The following LRRC4C variants were observed in gnomAD, a reference collection of about 807,000 sequenced individuals.
LRRC4C encodes leucine rich repeat containing 4C.
A neutral mutation model predicts 33.6 loss-of-function variants in LRRC4C; 5 were observed. The observed-to-expected ratio is 0.15, with a 90% confidence interval of 0.08 to 0.31. LRRC4C has a LOEUF of 0.31. Ranked by LOEUF, LRRC4C falls within the 10% of genes least tolerant of loss-of-function variation. LRRC4C has a pLI of 1.00. For missense variants in LRRC4C, 560 were observed against 796.7 expected (o/e 0.70, Z 3.58); for synonymous variants, 329 against 302.0 (o/e 1.09, Z -0.93).
intron 2 of LRRC4C, among the ~76,000 whole-genome samples, chr11:40,875,670 G>A (rs548009160): frequency 7.9e-5 from 12 of 152,152 alleles, no homozygotes; most frequent in East Asian, 1.9e-4. Context: ...TAAAGTAATC[G>A]CACATATTTA....
intron 2 of LRRC4C, among the ~76,000 whole-genome samples, chr11:40,922,985 C>T (rs2136379174): frequency 6.6e-6 from 1 of 152,214 alleles, no homozygotes; most frequent in Non-Finnish European, 1.5e-5. Context: ...CCACCACACC[C>T]AGCTAATTTT....
chr11:41,359,447 G>C (rs2137653380), intron 1 of LRRC4C, among the ~76,000 whole-genome samples: 1 of 152,152 alleles, frequency 6.6e-6, no homozygotes, highest in Middle Eastern at 3.4e-3. Flanking sequence ...ATGAGGACAG[G>C]GGGTACATGG....
intron 2 of LRRC4C, among the ~76,000 whole-genome samples, chr11:40,796,159 C>T (rs1475316972): frequency 1.3e-5 from 2 of 152,132 alleles, no homozygotes; most frequent in Non-Finnish European, 2.9e-5. Context: ...GTAAATTTGT[C>T]TAATTCCTAT....
At chr11:40,561,805 A>G (rs1190036747) in intron 3 of LRRC4C, among the ~76,000 whole-genome samples, 1 of 152,174 alleles carries the variant, frequency 6.6e-6, no homozygotes, top group Non-Finnish European at 1.5e-5. Context: ...GAATTATTTA[A>G]CAAATTATTG....
intron 2 of LRRC4C, among the ~76,000 whole-genome samples, chr11:40,737,323 C>T (rs546923394): frequency 1.1e-4 from 16 of 152,192 alleles, no homozygotes; most frequent in African/African-American, 3.9e-4. Flanking sequence ...ACAAGGATGC[C>T]CTCTCTCACC....
intron 1 of LRRC4C, among the ~76,000 whole-genome samples, chr11:41,282,997 C>T (rs995835103): frequency 2.0e-5 from 3 of 152,146 alleles, no homozygotes; most frequent in African/African-American, 7.2e-5. Context: ...AGAAAGCACT[C>T]TATCAAATGT....
At chr11:41,217,208 T>C (rs1052948184) in intron 1 of LRRC4C, among the ~76,000 whole-genome samples, 1 of 152,180 alleles carries the variant, frequency 6.6e-6, no homozygotes, top group South Asian at 2.1e-4. Context: ...CATGTTCTGT[T>C]AGAAATTACT....
At chr11:40,334,387 GAGA>G (rs1219121847) in intron 3 of LRRC4C, among the ~76,000 whole-genome samples, 8 of 151,890 alleles carry the variant, frequency 5.3e-5, no homozygotes, top group African/African-American at 1.9e-4. Flanking sequence ...GCTAGAGTTT[GAGA>G]AGGTTGAGAA....
At chr11:40,201,696 T>C (rs1862764978) in intron 5 of LRRC4C, among the ~76,000 whole-genome samples, 1 of 152,182 alleles carries the variant, frequency 6.6e-6, no homozygotes, top group Non-Finnish European at 1.5e-5. Context: ...ATACCTGCTT[T>C]AAGGCTTTAT....
intron 1 of LRRC4C, among the ~76,000 whole-genome samples, chr11:41,330,557 C>T (rs1488737390): frequency 6.6e-6 from 1 of 152,028 alleles, no homozygotes; most frequent in Non-Finnish European, 1.5e-5. Context: ...TGAATGTCTG[C>T]TCAGATGCAG....
At chr11:41,262,136 C>T (rs781164691) in intron 1 of LRRC4C, among the ~76,000 whole-genome samples, 1 of 151,918 alleles carries the variant, frequency 6.6e-6, no homozygotes, top group African/African-American at 2.4e-5. Flanking sequence ...CACTATTTGA[C>T]CTTTTAACCT....
rs1432837055 is a variant in LRRC4C at position 40,304,974 on chromosome 11, C to T, written c.-176+14654G>A. On this transcript the variant is annotated intron_variant, in intron 4 of 6. Coordinates refer to ENST00000528697, the MANE Select transcript of LRRC4C (RefSeq NM_001258419.2). The stretch of plus-strand genomic sequence containing the variant: ...AGAGACAGGGTTTCACCGTGTTTAG[C>T]CAGGATGGTCTCAATCTCTTGACCT... Among the ~76,000 whole-genome samples the T allele has an allele frequency of 2.0e-5, 3 of 152,142 alleles. No homozygotes were observed. The East Asian group carries it at 5.8e-4, about 29-fold the overall frequency.
intron 1 of LRRC4C, among the ~76,000 whole-genome samples, chr11:41,372,680 A>T (rs1952793946): frequency 6.6e-6 from 1 of 151,954 alleles, no homozygotes; most frequent in African/African-American, 2.4e-5. Context: ...TATTGCTAAC[A>T]TCCATCCTTG....
At chr11:40,928,528 T>G (rs1239055360) in intron 2 of LRRC4C, among the ~76,000 whole-genome samples, 1 of 152,004 alleles carries the variant, frequency 6.6e-6, no homozygotes, top group East Asian at 1.9e-4. Context: ...TATTATCTCT[T>G]TCATTAAGTA....
chr11:40,508,353 A>C (rs893096526), intron 3 of LRRC4C, among the ~76,000 whole-genome samples: 22 of 152,156 alleles, frequency 1.4e-4, no homozygotes, highest in African/African-American at 4.6e-4. Flanking sequence ...TATAAAACAC[A>C]AAAAACAGAG....
intron 2 of LRRC4C, among the ~76,000 whole-genome samples, chr11:40,695,607 C>T (rs1003907921): frequency 6.6e-6 from 1 of 152,136 alleles, no homozygotes; most frequent in Non-Finnish European, 1.5e-5. Flanking sequence ...GCTAAAGTCA[C>T]GATGGCAGCA....
chr11:40,355,953 T>TGTATA (rs750933194), intron 3 of LRRC4C, among the ~76,000 whole-genome samples: 10,594 of 121,526 alleles, frequency 0.087, 584 homozygotes, highest in African/African-American at 0.16. Context: ...AGTATAGTAT[T>TGTATA]GTATAGTATA....
intron 2 of LRRC4C, among the ~76,000 whole-genome samples, chr11:40,654,750 T>C (rs996664496): frequency 6.6e-6 from 1 of 151,942 alleles, no homozygotes; most frequent in African/African-American, 2.4e-5. Flanking sequence ...TTTGGAGGGG[T>C]CAGGAGGGAG....
At chr11:40,465,507 A>T (rs971768271) in intron 3 of LRRC4C, among the ~76,000 whole-genome samples, 2 of 152,018 alleles carry the variant, frequency 1.3e-5, no homozygotes, top group Non-Finnish European at 2.9e-5. Context: ...AACAGAGTGA[A>T]CAGGAGCCTA....
Sources: allele counts gnomAD v4.1 joint callset (sites outside exome capture counted in the v4.1 genomes callset), GRCh38; gene constraint gnomAD v4.1.1; transcripts MANE v1.5; gene names NCBI Gene and HGNC (gene_info 2026-07-23, HGNC 2026-07-21).